Variants in DCLK2 observed in about 807,000 individuals in gnomAD.
The protein encoded by DCLK2 is serine/threonine-protein kinase DCLK2.
In DCLK2, 31 loss-of-function variants were observed where a neutral mutation model predicts 78.4. The ratio of observed to expected loss-of-function variants is 0.40; its 90% CI spans 0.30 to 0.53. DCLK2 has a LOEUF of 0.53. Ranked by LOEUF, DCLK2 falls within the 20% of genes least tolerant of loss-of-function variation. The pLI is 0.61. For synonymous variants in DCLK2, 407 were observed against 374.9 expected, an observed-to-expected ratio of 1.09 and a Z score of -0.99; for missense variants, 872 against 973.7, an observed-to-expected ratio of 0.90 and a Z score of 1.39.
In DCLK2 at chr4:150,078,923, G is replaced by A; in HGVS notation, c.-105G>A. ...AGAGGGCGGGATGCCAGAGCCAGGT[G>A]TCCCGGCGCGTTAAGGGCCCTCGCA... On this transcript the variant is annotated 5_prime_UTR_variant, in exon 1 of 16. Coordinates refer to ENST00000296550, the MANE Select transcript of DCLK2 (RefSeq NM_001040260.4). 2.2e-6 allele frequency: 3 copies of A among 1,359,544 alleles called. No homozygotes were observed. The highest frequency in any genetic ancestry group is 2.9e-6 in the Non-Finnish European group (3 of 1,036,918). 84.2% of individuals were successfully genotyped at this position (1,359,544 alleles called of 1,614,324 possible). A position where few individuals can be genotyped will look rare whatever the true frequency, so the allele number is the denominator to read the frequency against.
intron 10 of DCLK2, among the ~76,000 whole-genome samples, chr4:150,234,800 A>G (rs1010032167): frequency 1.3e-5 from 2 of 151,868 alleles, no homozygotes; most frequent in African/African-American, 2.4e-5. Flanking sequence ...ATGAACTCTA[A>G]CAAGGAATGG....
chr4:150,179,888 G>A (rs544270837), intron 2 of DCLK2, among the ~76,000 whole-genome samples: 25 of 152,060 alleles, frequency 1.6e-4, no homozygotes, highest in Non-Finnish European at 2.5e-4. Context: ...TCAGTATTCC[G>A]TAAGGTATGG....
intron 5 of DCLK2, chr4:150,209,768 AC>A (rs1383678317): frequency 2.0e-5 from 3 of 152,294 alleles, no homozygotes; most frequent in Non-Finnish European, 4.4e-5. Flanking sequence ...CAGACTCCAC[AC>A]AGGTAAATCT....
At chr4:150,123,519 A>G (rs953894765) in intron 2 of DCLK2, among the ~76,000 whole-genome samples, 2 of 152,186 alleles carry the variant, frequency 1.3e-5, no homozygotes, top group African/African-American at 4.8e-5. Context: ...CCTAATGGCT[A>G]TAATAATAAT....
At chr4:150,157,780 T>C (rs940127590) in intron 2 of DCLK2, among the ~76,000 whole-genome samples, 1 of 152,204 alleles carries the variant, frequency 6.6e-6, no homozygotes, top group African/African-American at 2.4e-5. Flanking sequence ...TGCAAAGTCC[T>C]GGGATTACAG....
intron 10 of DCLK2, among the ~76,000 whole-genome samples, chr4:150,233,984 C>T (rs1292727068): frequency 6.6e-6 from 1 of 152,166 alleles, no homozygotes; most frequent in Non-Finnish European, 1.5e-5. Flanking sequence ...TTATTTCCAC[C>T]TTTCAGGGCT....
Position 150,190,286 on chromosome 4 carries a change from GATAGATAGATAGGCAGA to G in DCLK2, c.757-2851_757-2835del, listed in dbSNP as rs1560851099. Among the ~76,000 whole-genome samples the G allele has an allele frequency of 2.5e-3, 377 of 148,104 alleles. 3 individuals carry two copies. Among genetic ancestry groups the G allele is most frequent in the African/African-American group, 9.6e-3 (363 of 37,934 alleles). On this transcript the variant is annotated intron_variant, in intron 2 of 15. Transcript: ENST00000296550. ...AGATAGATAGATAGATAGATAGATA[GATAGATAGATAGGCAGA>G]CAGACAGACAGACGGACGGATAGAT...
intron 2 of DCLK2, among the ~76,000 whole-genome samples, chr4:150,176,993 A>C (rs1218147325): frequency 1.3e-5 from 2 of 152,248 alleles, no homozygotes; most frequent in African/African-American, 4.8e-5. Context: ...TGAATGCAAG[A>C]AAAAGATAAG....
chr4:150,115,541 T>A (rs1016576386), intron 2 of DCLK2, among the ~76,000 whole-genome samples: 1 of 152,204 alleles, frequency 6.6e-6, no homozygotes, highest in Admixed American at 6.5e-5. Context: ...GGGGTTTTTT[T>A]TTCCCTTGAG....
rs547774359 is a variant in DCLK2, at chr4:150,207,705, G to T, written c.1056+3816G>T. The stretch of plus-strand genomic sequence containing the variant: ...ATAGGGTGGTGACCAAGTAATTAAG[G>T]TTCTTTAACCTTAAACTGAGAGACT... On this transcript the variant is annotated intron_variant, in intron 5 of 15. Transcript: ENST00000296550. Among the ~76,000 whole-genome samples, 15 of 152,242 alleles carry T rather than the reference G, an allele frequency of 9.9e-5. No homozygotes were observed. The South Asian group carries it at 2.9e-3, about 29-fold the overall frequency.
At chr4:150,199,466 G>A (rs1329035854) in intron 4 of DCLK2, among the ~76,000 whole-genome samples, 3 of 152,100 alleles carry the variant, frequency 2.0e-5, no homozygotes, top group African/African-American at 7.2e-5. Context: ...CCCCACCCTG[G>A]GGTTAACAGT....
At chr4:150,217,381 C>T (rs939572421) in intron 5 of DCLK2, among the ~76,000 whole-genome samples, 10 of 152,166 alleles carry the variant, frequency 6.6e-5, no homozygotes, top group East Asian at 1.9e-4. Context: ...TTTTCTTCTA[C>T]CTCTGGAAAG....
At chr4:150,247,735 G>T (rs367870550) in intron 13 of DCLK2, 36 bp downstream of exon 13, 1 of 1,560,720 alleles carries the variant, frequency 6.4e-7, no homozygotes, top group Non-Finnish European at 8.8e-7. Context: ...GTTGTATTAC[G>T]TTGTGGGGTC....
chr4:150,103,007 C>T lies in DCLK2; in HGVS notation c.756+195C>T, dbSNP rs559607185. 1.1e-4 allele frequency among the ~76,000 whole-genome samples: 17 copies of T among 151,968 alleles called. No individual in the cohort carries two copies. In the South Asian group the frequency reaches 2.7e-3, roughly 24 times the overall value. On this transcript the variant is annotated intron_variant, in intron 2 of 15. Transcript: ENST00000296550. ...TAACCATTTTTGTGAAAAATGTAAGCGACTTAAGTACCTCAAAAGTGATTA... is the reference window on the plus strand; with the variant it reads ...TAACCATTTTTGTGAAAAATGTAAGTGACTTAAGTACCTCAAAAGTGATTA...
chr4:150,235,502 C>G (rs1466459667), intron 10 of DCLK2, among the ~76,000 whole-genome samples: 1 of 152,142 alleles, frequency 6.6e-6, no homozygotes, highest in African/African-American at 2.4e-5. Flanking sequence ...CCTTCCCAAA[C>G]CTACGGGAGC....
At chr4:150,150,742 G>A (rs1734827538) in intron 2 of DCLK2, among the ~76,000 whole-genome samples, 1 of 152,188 alleles carries the variant, frequency 6.6e-6, no homozygotes, top group South Asian at 2.1e-4. Context: ...AAAATAGAGT[G>A]AAATTATAGC....
At chr4:150,254,410 G>A in intron 15 of DCLK2, 1 of 398,998 alleles carries the variant, frequency 2.5e-6, no homozygotes, top group Non-Finnish European at 4.4e-6. Flanking sequence ...CGCCTGCATT[G>A]CTTCCCTCTG....
intron 2 of DCLK2, among the ~76,000 whole-genome samples, chr4:150,108,462 T>C (rs1318803175): frequency 6.6e-6 from 1 of 151,900 alleles, no homozygotes; most frequent in Non-Finnish European, 1.5e-5. Flanking sequence ...GAGAATGGCA[T>C]GAACCCAGGA....
At chr4:150,253,375 G>A (rs1170580158) in intron 15 of DCLK2, 4 of 1,229,222 alleles carry the variant, frequency 3.3e-6, no homozygotes, top group Non-Finnish European at 4.3e-6. Flanking sequence ...CCCAGAGCTG[G>A]GGCCTGAGAC....
Sources: gnomAD v4.1 joint callset for allele counts (sites outside exome capture counted in the v4.1 genomes callset) on GRCh38, gnomAD v4.1.1 for gene constraint, MANE v1.5 for transcripts, NCBI Gene and HGNC (gene_info 2026-07-23, HGNC 2026-07-21) for gene names.